Variants in SKIC3 observed in about 807,000 individuals in gnomAD.
SKIC3 encodes SKI3 subunit of superkiller complex.
the SKIC3 span, chr5:95,516,963 C>T: frequency 6.2e-7 from 1 of 1,612,800 alleles, no homozygotes; most frequent in Non-Finnish European, 8.5e-7. Context: ...ATGTTGCTGC[C>T]TGTTTCTGCT....
the SKIC3 span, among the ~76,000 whole-genome samples, chr5:95,526,018 G>T: frequency 6.6e-6 from 1 of 151,900 alleles, no homozygotes; most frequent in Non-Finnish European, 1.5e-5. Context: ...CCCAGATATT[G>T]TAACTTTTTA....
chr5:95,498,341 G>T, the SKIC3 span: 1 of 1,599,256 alleles, frequency 6.3e-7, no homozygotes, highest in Non-Finnish European at 8.6e-7. Flanking sequence ...AGTATAATTA[G>T]GTTCCAGGTT....
chr5:95,541,492 C>T, the SKIC3 span: 1 of 1,042,516 alleles, frequency 9.6e-7, no homozygotes, highest in East Asian at 2.5e-5. Context: ...ATTTCAGGTA[C>T]TATTTTAAAT....
chr5:95,497,571 A>T, the SKIC3 span: 96 of 1,051,050 alleles, frequency 9.1e-5, no homozygotes, highest in Middle Eastern at 2.0e-4. Context: ...TATTAAGTTT[A>T]AAACTTTTCT....
At chr5:95,536,373 A>T in the SKIC3 span, among the ~76,000 whole-genome samples, 1 of 152,236 alleles carries the variant, frequency 6.6e-6, no homozygotes, top group African/African-American at 2.4e-5. Context: ...TGATATTCAT[A>T]GCTCTGTGTA....
chr5:95,495,805 A>T, the SKIC3 span, among the ~76,000 whole-genome samples: 15 of 152,338 alleles, frequency 9.8e-5, no homozygotes, highest in East Asian at 2.7e-3. Context: ...TAGAAGCTGC[A>T]TTTTCACAAG....
At chr5:95,467,803 A>G in the SKIC3 span, 2 of 1,602,702 alleles carry the variant, frequency 1.2e-6, no homozygotes, top group Non-Finnish European at 1.7e-6. Flanking sequence ...CCCTTAGATC[A>G]AAGATAAAAC....
At chr5:95,467,961 C>T in the SKIC3 span, 2 of 1,613,470 alleles carry the variant, frequency 1.2e-6, no homozygotes, top group East Asian at 4.5e-5. Context: ...GGCTGATATA[C>T]CACTCTTTCC....
At chr5:95,539,811 T>G in the SKIC3 span, among the ~76,000 whole-genome samples, 1 of 142,660 alleles carries the variant, frequency 7.0e-6, no homozygotes, top group East Asian at 2.0e-4. Flanking sequence ...ACCACTGCAC[T>G]CCAGCCTGGG....
chr5:95,498,311 TG>T, the SKIC3 span: 1 of 1,530,492 alleles, frequency 6.5e-7, no homozygotes, highest in Non-Finnish European at 9.1e-7. Flanking sequence ...AAAGTCCCAA[TG>T]TCAAATGCAA....
At chr5:95,503,942 A>G in the SKIC3 span, 4 of 1,613,696 alleles carry the variant, frequency 2.5e-6, no homozygotes, top group Non-Finnish European at 3.4e-6. Flanking sequence ...AGTGGAACTA[A>G]GAAGTAAAGC....
At chr5:95,527,790 A>T in the SKIC3 span, among the ~76,000 whole-genome samples, 1 of 152,248 alleles carries the variant, frequency 6.6e-6, no homozygotes, top group Non-Finnish European at 1.5e-5. Context: ...AGAACTAACG[A>T]AATAGTCTTA....
At chr5:95,502,791 A>G in the SKIC3 span, 6 of 1,573,138 alleles carry the variant, frequency 3.8e-6, no homozygotes, top group Non-Finnish European at 5.2e-6. Context: ...AAAAGTTCCT[A>G]AAACATGAAG....
chr5:95,470,168 T>C, the SKIC3 span, among the ~76,000 whole-genome samples: 2 of 151,962 alleles, frequency 1.3e-5, no homozygotes, highest in Non-Finnish European at 2.9e-5. Context: ...TTAGTAGAGA[T>C]GGGGTTTCAC....
At chr5:95,491,450 T>C in the SKIC3 span, among the ~76,000 whole-genome samples, 1 of 152,224 alleles carries the variant, frequency 6.6e-6, no homozygotes, top group African/African-American at 2.4e-5. Flanking sequence ...TTTTCAGTTC[T>C]TAAGAAAAGT....
chr5:95,523,569 A>C, the SKIC3 span: 4 of 1,452,004 alleles, frequency 2.8e-6, no homozygotes, highest in Non-Finnish European at 3.7e-6. Flanking sequence ...ACTAATGATA[A>C]CTTTCAAGTA....
the SKIC3 span, chr5:95,548,769 A>G: frequency 0.047 from 7,117 of 152,058 alleles, 229 homozygotes; most frequent in Non-Finnish European, 0.069. Flanking sequence ...AGATCAATAA[A>G]AAGAGACAAA....
the SKIC3 span, chr5:95,464,606 G>C: frequency 4.9e-5 from 79 of 1,608,400 alleles, 2 homozygotes; most frequent in South Asian, 7.6e-4. Context: ...ATAATCCAAT[G>C]TTATTGTGAG....
chr5:95,541,745 C>A, the SKIC3 span: 1 of 1,115,766 alleles, frequency 9.0e-7, no homozygotes. Context: ...AATACTTCTA[C>A]ATGATTTTTA....
Sources: allele counts gnomAD v4.1 joint callset (sites outside exome capture counted in the v4.1 genomes callset), GRCh38; gene constraint gnomAD v4.1.1; transcripts MANE v1.5; gene names NCBI Gene and HGNC (gene_info 2026-07-23, HGNC 2026-07-21).